ATAD2: variants seen among roughly 807,000 people sequenced by gnomAD.
ATAD2 encodes the protein ATPase family AAA domain containing 2.
In ATAD2, 62 loss-of-function variants were observed where a neutral mutation model predicts 168.9. The observed-to-expected ratio is 0.37, with a 90% CI of 0.30 to 0.45. The LOEUF (loss-of-function observed/expected upper bound fraction) is 0.45, where lower values mean the gene tolerates loss of function less well. Ranked by LOEUF, ATAD2 falls within the 20% of genes least tolerant of loss-of-function variation. ATAD2 has a pLI of 1.00. For synonymous variants in ATAD2, 613 were observed against 571.6 expected (o/e 1.07, Z -1.03); for missense variants, 1,419 against 1,667.8 (o/e 0.85, Z 2.60).
At chr8:123,340,824 C>A (rs1216838094) in intron 19 of ATAD2, among the ~76,000 whole-genome samples, 2 of 152,224 alleles carry the variant, frequency 1.3e-5, no homozygotes, top group South Asian at 4.1e-4. Context: ...TTAATAGGTA[C>A]AGAGTTTCTG....
At chr8:123,373,563 T>G (rs1446003100) in intron 2 of ATAD2, among the ~76,000 whole-genome samples, 3 of 150,824 alleles carry the variant, frequency 2.0e-5, no homozygotes, top group Non-Finnish European at 4.4e-5. Context: ...TTGAGACGGG[T>G]GGATCATGAG....
At chr8:123,381,458 G>A (rs1048206025) in intron 1 of ATAD2, among the ~76,000 whole-genome samples, 4 of 151,468 alleles carry the variant, frequency 2.6e-5, no homozygotes, top group South Asian at 2.1e-4. Context: ...CCGTGATCGC[G>A]CCACTGCACT....
chr8:123,375,899 A>G (rs1829293171), intron 2 of ATAD2, among the ~76,000 whole-genome samples: 1 of 151,980 alleles, frequency 6.6e-6, no homozygotes, highest in Admixed American at 6.6e-5. Flanking sequence ...CAAGGTCAAG[A>G]GTTCAAGACC....
chr8:123,348,068 T>A (rs757069877), intron 15 of ATAD2, 115 bp downstream of exon 15: 1 of 804,156 alleles, frequency 1.2e-6, no homozygotes, highest in South Asian at 1.6e-5. Context: ...ACTGTGGTTT[T>A]TGCCATTACT....
intron 1 of ATAD2, among the ~76,000 whole-genome samples, chr8:123,394,346 T>C (rs967764906): frequency 9.2e-5 from 14 of 152,146 alleles, no homozygotes; most frequent in African/African-American, 3.4e-4. Flanking sequence ...GTCTATGTAT[T>C]TGGCCAAGCA....
At chr8:123,377,272 A>G (rs1410146015) in intron 2 of ATAD2, among the ~76,000 whole-genome samples, 3 of 151,874 alleles carry the variant, frequency 2.0e-5, no homozygotes, top group Non-Finnish European at 4.4e-5. Flanking sequence ...ATATTCTCAA[A>G]AAGAAAAAAA....
At chr8:123,351,029 C>A (rs751529317) in intron 13 of ATAD2, among the ~76,000 whole-genome samples, 17 of 152,078 alleles carry the variant, frequency 1.1e-4, no homozygotes, top group Admixed American at 2.6e-4. Context: ...AGCCACTGCA[C>A]CCGGCCTAGA....
At position 123,359,748 on chromosome 8, in the gene ATAD2, A is replaced by G. The variant is rs1563849643; in HGVS notation, c.1158-63T>C. 3.7e-6 allele frequency: 4 copies of G among 1,074,298 alleles called. No individual in the cohort carries two copies. The South Asian group carries it at 4.4e-5, about 12-fold the overall frequency. 66.5% of individuals were successfully genotyped at this position (1,074,298 alleles called of 1,614,324 possible). On this transcript the variant is annotated intron_variant, in intron 9 of 27. Transcript: ENST00000287394. The stretch of plus-strand genomic sequence containing the variant: ...CAACTCACCCTCCTTCCCAAATTCC[A>G]TGTTTGAATATAAACATTTAAGTTA...
At chr8:123,347,514 A>G in intron 15 of ATAD2, 108 bp from the exon 16 acceptor site, 1 of 1,095,114 alleles carries the variant, frequency 9.1e-7, no homozygotes. Context: ...TCAGCCTCGG[A>G]ATATAGTTAG....
At position 123,344,869 on chromosome 8, in the gene ATAD2, C is replaced by T. The variant is rs534600689; in HGVS notation, c.2718+15G>A. The T allele has an allele frequency of 1.9e-6, 3 of 1,612,108 alleles. No homozygotes were observed. Among genetic ancestry groups the T allele is most frequent in the African/African-American group, 2.7e-5 (2 of 74,970 alleles). ...TCTTTTTGAAAGTATAATGATACCG[C>T]CCCACATAAATTACCTCTTCTGGCA... On this transcript the variant is annotated intron_variant, in intron 19 of 27. Transcript: ENST00000287394.
chr8:123,385,261 T>A (rs999007079), intron 1 of ATAD2, among the ~76,000 whole-genome samples: 8 of 151,962 alleles, frequency 5.3e-5, no homozygotes, highest in Non-Finnish European at 1.0e-4. Context: ...AAATTTCACA[T>A]CACCATAAAA....
At chr8:123,407,687 T>C (rs1285737212) in intron 1 of ATAD2, among the ~76,000 whole-genome samples, 2 of 151,614 alleles carry the variant, frequency 1.3e-5, no homozygotes, top group Non-Finnish European at 2.9e-5. Flanking sequence ...ACTCCATCTC[T>C]ACTAAAAATA....
chr8:123,406,592 G>GGACAGA (rs1380466992), intron 1 of ATAD2, among the ~76,000 whole-genome samples: 1 of 151,824 alleles, frequency 6.6e-6, no homozygotes, highest in Non-Finnish European at 1.5e-5. Context: ...CAAGGCAGGA[G>GGACAGA]GATCCTTTGA....
At chr8:123,349,657 A>AC (rs746104130) in intron 13 of ATAD2, among the ~76,000 whole-genome samples, 2 of 152,130 alleles carry the variant, frequency 1.3e-5, no homozygotes, top group Admixed American at 6.6e-5. Context: ...CGGTTGTTAG[A>AC]CCCCCCACAA....
chr8:123,381,793 C>A (rs1292851930), intron 1 of ATAD2, among the ~76,000 whole-genome samples: 1 of 152,172 alleles, frequency 6.6e-6, no homozygotes, highest in Non-Finnish European at 1.5e-5. Context: ...GTAATCCCAG[C>A]ACTTTGGGAG....
chr8:123,328,244 C>T lies in ATAD2; in HGVS notation c.3814G>A (p.Gly1272Arg). 1 of 1,500,678 alleles carries T rather than the reference C, an allele frequency of 6.7e-7. No homozygotes were observed. Among genetic ancestry groups the T allele is most frequent in the Non-Finnish European group, 8.9e-7 (1 of 1,127,688 alleles). 93.0% of individuals were successfully genotyped at this position (1,500,678 alleles called of 1,614,324 possible). Residue 1272 changes from glycine (G) to arginine (R), a missense_variant, in exon 25 of 28, where the codon GGA (glycine) becomes AGA (arginine). Transcript: ENST00000287394. ...TELRDKIACN[G>R]DASSSQIIHI... ...ATTATCTGAGAGCTAGAAGCATCTC[C>T]ATTACAAGCAATCTTGTCTCTCAAT...
At chr8:123,371,044 A>ATT in intron 5 of ATAD2, 54 bp from the exon 6 acceptor site, 1 of 1,350,718 alleles carries the variant, frequency 7.4e-7, no homozygotes, top group Non-Finnish European at 1.0e-6. Flanking sequence ...TATTAAAAAA[A>ATT]TTAAGTTGGA....
At chr8:123,358,266 A>G (rs1273300986) in intron 11 of ATAD2, among the ~76,000 whole-genome samples, 1 of 152,142 alleles carries the variant, frequency 6.6e-6, no homozygotes, top group African/African-American at 2.4e-5. Flanking sequence ...CTACAACCTC[A>G]AATTCCTGAG....
upstream of ATAD2, chr8:123,401,046 C>T (rs1016788290): frequency 2.3e-5 from 36 of 1,571,254 alleles, no homozygotes; most frequent in Non-Finnish European, 2.7e-5. Context: ...CGGTGGGCAT[C>T]GTCACTTCCC....
Sources: gnomAD v4.1 joint callset for allele counts (sites outside exome capture counted in the v4.1 genomes callset) on GRCh38, gnomAD v4.1.1 for gene constraint, MANE v1.5 for transcripts, NCBI Gene and HGNC (gene_info 2026-07-23, HGNC 2026-07-21) for gene names.